The following GRM8 variants were observed in gnomAD, a reference collection of about 807,000 sequenced individuals.
GRM8 encodes metabotropic glutamate receptor 8.
Under a neutral mutation model 87.2 loss-of-function variants are expected in GRM8, and 47 were observed. That is an observed-to-expected ratio of 0.54 (90% CI 0.43 to 0.69). GRM8 has a LOEUF of 0.69. Among genes scored for constraint, GRM8 ranks in the 30% least tolerant of loss-of-function variants. The probability of loss-of-function intolerance (pLI) is 0.00; values close to 1 mark genes in which losing one functional copy is unlikely to be tolerated. For synonymous variants in GRM8, 396 were observed against 404.5 expected, an observed-to-expected ratio of 0.98 and a Z score of 0.25; for missense variants, 1,019 against 1,139.2, an observed-to-expected ratio of 0.89 and a Z score of 1.52.
intron 6 of GRM8, among the ~76,000 whole-genome samples, chr7:126,802,037 T>C (rs1205349520): frequency 2.0e-5 from 3 of 152,232 alleles, no homozygotes; most frequent in Non-Finnish European, 4.4e-5. Flanking sequence ...TCCCTTGTTA[T>C]GTTAGAAGCA....
chr7:127,005,791 A>ACC (rs907883447), intron 3 of GRM8, among the ~76,000 whole-genome samples: 2 of 151,804 alleles, frequency 1.3e-5, no homozygotes, highest in Non-Finnish European at 2.9e-5. Flanking sequence ...CCCTACTTGC[A>ACC]CCTCAGCAGC....
At chr7:126,722,528 CTATT>C (rs1812496556) in intron 7 of GRM8, among the ~76,000 whole-genome samples, 1 of 152,128 alleles carries the variant, frequency 6.6e-6, no homozygotes, top group African/African-American at 2.4e-5. Context: ...AAAAAACAAA[CTATT>C]TATGTCACTG....
At chr7:127,107,787 T>C (rs577762100) in intron 2 of GRM8, among the ~76,000 whole-genome samples, 1 of 152,286 alleles carries the variant, frequency 6.6e-6, no homozygotes, top group East Asian at 1.9e-4. Flanking sequence ...GACATACTTG[T>C]AAAGCTCTCA....
chr7:126,955,109 G>A (rs748639327), intron 3 of GRM8, among the ~76,000 whole-genome samples: 6 of 152,040 alleles, frequency 3.9e-5, no homozygotes, highest in Admixed American at 6.6e-5. Flanking sequence ...ACTAAGATAA[G>A]CCCAAACAAA....
At chr7:126,490,573 T>G (rs1362656110) in intron 9 of GRM8, among the ~76,000 whole-genome samples, 1 of 152,036 alleles carries the variant, frequency 6.6e-6, no homozygotes, top group Non-Finnish European at 1.5e-5. Context: ...CTCCTATTAT[T>G]CAGATGGATA....
chr7:126,586,468 G>C (rs4276622), intron 8 of GRM8, among the ~76,000 whole-genome samples: 46,736 of 151,746 alleles, frequency 0.31, 8,015 homozygotes, highest in East Asian at 0.43. Context: ...CATGGTACTG[G>C]TACCAAAACA....
chr7:126,476,100 CA>C (rs1805874726), intron 9 of GRM8, among the ~76,000 whole-genome samples: 1 of 151,908 alleles, frequency 6.6e-6, no homozygotes, highest in Non-Finnish European at 1.5e-5. Flanking sequence ...TAAAAATAAA[CA>C]AACGGGACTA....
intron 6 of GRM8, among the ~76,000 whole-genome samples, chr7:126,837,401 T>C (rs1468106486): frequency 1.3e-5 from 2 of 152,272 alleles, no homozygotes; most frequent in African/African-American, 2.4e-5. Flanking sequence ...GTAGGGTACA[T>C]GCCACTTTAT....
intron 7 of GRM8, among the ~76,000 whole-genome samples, chr7:126,661,612 G>A (rs868441596): frequency 3.9e-5 from 6 of 152,330 alleles, no homozygotes; most frequent in Admixed American, 1.3e-4. Flanking sequence ...AAGAGCCTGA[G>A]AATGGAAGCC....
intron 3 of GRM8, among the ~76,000 whole-genome samples, chr7:127,003,509 A>T (rs1813944816): frequency 6.6e-6 from 1 of 151,750 alleles, no homozygotes; most frequent in South Asian, 2.1e-4. Context: ...ACAGGAGAAG[A>T]AAGGGAGGAC....
intron 6 of GRM8, among the ~76,000 whole-genome samples, chr7:126,881,725 C>T (rs1800042153): frequency 6.6e-6 from 1 of 152,134 alleles, no homozygotes; most frequent in African/African-American, 2.4e-5. Flanking sequence ...AGCAACTTTG[C>T]TTAGTTAGAA....
At chr7:127,193,470 C>A (rs1168876395) in intron 2 of GRM8, among the ~76,000 whole-genome samples, 1 of 152,106 alleles carries the variant, frequency 6.6e-6, no homozygotes. Context: ...GGAATGAATC[C>A]CCTAGCAGGT....
chr7:127,157,684 G>T (rs949248373), intron 2 of GRM8, among the ~76,000 whole-genome samples: 1 of 152,076 alleles, frequency 6.6e-6, no homozygotes, highest in Non-Finnish European at 1.5e-5. Flanking sequence ...AATGTAAGTT[G>T]GTTGTAACTG....
rs994878551 is a variant in GRM8, at chr7:126,963,796, A to T, written c.728-59113T>A. ...CATTAAGCTATCATTGACTTTCTTCACGGAACTGGAGAAAACTACTGTTAA... is the reference window on the plus strand; with the variant it reads ...CATTAAGCTATCATTGACTTTCTTCTCGGAACTGGAGAAAACTACTGTTAA... On this transcript the variant is annotated intron_variant, in intron 3 of 10. Coordinates refer to ENST00000339582, the MANE Select transcript of GRM8 (RefSeq NM_000845.3). 3.3e-5 allele frequency among the ~76,000 whole-genome samples: 5 copies of T among 152,202 alleles called. No homozygotes were observed. In the South Asian group the frequency reaches 1.0e-3, roughly 32 times the overall value.
intron 3 of GRM8, among the ~76,000 whole-genome samples, chr7:127,064,482 T>C (rs1820915700): frequency 6.6e-6 from 1 of 152,210 alleles, no homozygotes; most frequent in Admixed American, 6.5e-5. Flanking sequence ...TAGATTTTCC[T>C]CCATCTCTTT....
chr7:126,676,688 T>C (rs1806989155), intron 7 of GRM8, among the ~76,000 whole-genome samples: 1 of 152,122 alleles, frequency 6.6e-6, no homozygotes, highest in South Asian at 2.1e-4. Context: ...AGAATGAAAC[T>C]GGAGCTCTAT....
chr7:126,784,473 C>A (rs186463217), intron 6 of GRM8, among the ~76,000 whole-genome samples: 54 of 152,226 alleles, frequency 3.5e-4, no homozygotes, highest in African/African-American at 1.2e-3. Context: ...TCTAACAAAT[C>A]TGCTTTTCTC....
intron 3 of GRM8, among the ~76,000 whole-genome samples, chr7:126,957,538 C>A (rs1808845556): frequency 6.6e-6 from 1 of 152,204 alleles, no homozygotes; most frequent in East Asian, 1.9e-4. Flanking sequence ...TGATCCCTGG[C>A]CTCTCTCTGC....
intron 3 of GRM8, among the ~76,000 whole-genome samples, chr7:127,027,475 T>G (rs1816905828): frequency 6.6e-6 from 1 of 152,232 alleles, no homozygotes; most frequent in African/African-American, 2.4e-5. Context: ...GAGCATGGAA[T>G]GTTCTTCCAT....
Sources: allele counts gnomAD v4.1 joint callset (sites outside exome capture counted in the v4.1 genomes callset), GRCh38; gene constraint gnomAD v4.1.1; transcripts MANE v1.5; gene names NCBI Gene and HGNC (gene_info 2026-07-23, HGNC 2026-07-21).